Variants in LRRTM4 observed in about 807,000 individuals in gnomAD.
LRRTM4 encodes leucine-rich repeat transmembrane neuronal protein 4.
LRRTM4 carries 25 observed loss-of-function variants against 47.6 expected under a neutral mutation model. That is an observed-to-expected ratio of 0.53 (90% CI 0.38 to 0.73). The LOEUF is 0.73. Among genes scored for constraint, LRRTM4 ranks in the 30% least tolerant of loss-of-function variants. The pLI, the probability that LRRTM4 is intolerant of heterozygous loss-of-function variation, is 0.00. For missense variants in LRRTM4, 638 were observed against 713.4 expected (o/e 0.89, Z 1.20); for synonymous variants, 311 against 269.5 (o/e 1.15, Z -1.51).
chr2:76,919,795 T>C (rs971816439), intron 3 of LRRTM4, among the ~76,000 whole-genome samples: 3 of 152,162 alleles, frequency 2.0e-5, no homozygotes, highest in Non-Finnish European at 2.9e-5. Context: ...CAAATAAATA[T>C]TGAAGGTTAA....
chr2:77,071,594 C>T (rs182801710), intron 3 of LRRTM4, among the ~76,000 whole-genome samples: 12 of 152,106 alleles, frequency 7.9e-5, no homozygotes, highest in East Asian at 5.8e-4. Flanking sequence ...AAAAGAGAAA[C>T]GGAGATTTAT....
intron 3 of LRRTM4, among the ~76,000 whole-genome samples, chr2:77,210,631 G>A (rs573620735): frequency 6.6e-6 from 1 of 152,004 alleles, no homozygotes; most frequent in East Asian, 1.9e-4. Flanking sequence ...CTGATTCGTG[G>A]TGGAAATAAA....
intron 3 of LRRTM4, among the ~76,000 whole-genome samples, chr2:76,826,386 A>C (rs964998061): frequency 7.9e-5 from 12 of 151,520 alleles, no homozygotes; most frequent in African/African-American, 2.7e-4. Flanking sequence ...AGGTTATATA[A>C]ACCCTTATAT....
In LRRTM4 at chr2:77,068,006, G is replaced by A. The variant is rs540362286; in HGVS notation, c.1552-319090C>T. ...TTGCATACTATCAATTTATACGGAG[G>A]ATAAAGGAATATATTAAAAGTTATA... On this transcript the variant is annotated intron_variant, in intron 3 of 3. Coordinates refer to ENST00000409884, the MANE Select transcript of LRRTM4 (RefSeq NM_001134745.3). Among the ~76,000 whole-genome samples the A allele has an allele frequency of 9.9e-5, 15 of 151,990 alleles. No individual in the cohort carries two copies. In the East Asian group the frequency reaches 2.9e-3, roughly 29 times the overall value.
intron 3 of LRRTM4, among the ~76,000 whole-genome samples, chr2:76,798,578 G>C (rs1388336723): frequency 1.5e-4 from 23 of 150,806 alleles, no homozygotes; most frequent in African/African-American, 5.4e-4. Context: ...AAAGCTAGCA[G>C]AAGGCAAGAA....
rs1673589376 is a variant in LRRTM4, at chr2:77,393,620, TCA to T, written c.1551+124696_1551+124697del. On this transcript the variant is annotated intron_variant, in intron 3 of 3. Transcript: ENST00000409884. ...TATTGGCAAGATTTTAGCAGACAAG[TCA>T]CTGTGATCAGGTTTGTTTTTTGGAA... Among the ~76,000 whole-genome samples the T allele has an allele frequency of 2.0e-5, 3 of 152,022 alleles. No individual in the cohort carries two copies. In the South Asian group the frequency reaches 6.2e-4, roughly 31 times the overall value.
At chr2:77,124,945 G>A (rs1231579973) in intron 3 of LRRTM4, among the ~76,000 whole-genome samples, 1 of 152,114 alleles carries the variant, frequency 6.6e-6, no homozygotes, top group Non-Finnish European at 1.5e-5. Flanking sequence ...AGCTTTCACA[G>A]CATTCTGAGC....
chr2:77,036,191 G>A (rs1377565028), intron 3 of LRRTM4, among the ~76,000 whole-genome samples: 1 of 151,550 alleles, frequency 6.6e-6, no homozygotes, highest in Non-Finnish European at 1.5e-5. Context: ...GGACAAAACT[G>A]AGAAAAAATA....
chr2:76,797,530 A>G (rs1410661633), intron 3 of LRRTM4, among the ~76,000 whole-genome samples: 1 of 152,090 alleles, frequency 6.6e-6, no homozygotes, highest in Non-Finnish European at 1.5e-5. Flanking sequence ...TGTAAAGACC[A>G]TCGAGACTAG....
intron 3 of LRRTM4, among the ~76,000 whole-genome samples, chr2:77,099,137 T>C (rs981310869): frequency 1.3e-5 from 2 of 151,944 alleles, no homozygotes; most frequent in African/African-American, 2.4e-5. Context: ...CTCAAGGAGA[T>C]TGATACAAGA....
intron 3 of LRRTM4, among the ~76,000 whole-genome samples, chr2:76,998,405 T>C (rs999939325): frequency 2.6e-5 from 4 of 152,264 alleles, no homozygotes; most frequent in Non-Finnish European, 5.9e-5. Context: ...CTGGGGTTAA[T>C]AATGATGTGT....
chr2:76,925,939 G>A (rs1190863535), intron 3 of LRRTM4, among the ~76,000 whole-genome samples: 2 of 152,188 alleles, frequency 1.3e-5, no homozygotes, highest in Middle Eastern at 3.4e-3. Flanking sequence ...TGTCATAGTT[G>A]CTCTCCCCTT....
intron 3 of LRRTM4, among the ~76,000 whole-genome samples, chr2:77,399,853 T>C (rs1441097072): frequency 6.6e-6 from 1 of 151,864 alleles, no homozygotes; most frequent in African/African-American, 2.4e-5. Context: ...TTGGGAAATC[T>C]TTTTGCTCCC....
chr2:77,146,347 G>C (rs1672261224), intron 3 of LRRTM4, among the ~76,000 whole-genome samples: 1 of 152,004 alleles, frequency 6.6e-6, no homozygotes, highest in Admixed American at 6.6e-5. Context: ...TTCAACTCCT[G>C]CTCTCAAATT....
Position 77,122,080 on chromosome 2 carries a change from T to C in LRRTM4, c.1552-373164A>G, listed in dbSNP as rs911438252. On this transcript the variant is annotated intron_variant, in intron 3 of 3. Coordinates refer to ENST00000409884, the MANE Select transcript of LRRTM4 (RefSeq NM_001134745.3). Reference sequence around the variant, plus strand: ...ATTATTCTACCCAGTATGTATTACTTTATGAATGATTAAATATTAGAAAAC... The same window carrying C: ...ATTATTCTACCCAGTATGTATTACTCTATGAATGATTAAATATTAGAAAAC... Among the ~76,000 whole-genome samples, 8 of 151,976 alleles carry C rather than the reference T, an allele frequency of 5.3e-5. No individual in the cohort carries two copies. The South Asian group carries it at 8.3e-4, about 16-fold the overall frequency.
At chr2:77,304,374 A>T (rs1256495944) in intron 3 of LRRTM4, among the ~76,000 whole-genome samples, 1 of 152,182 alleles carries the variant, frequency 6.6e-6, no homozygotes, top group Non-Finnish European at 1.5e-5. Flanking sequence ...ATAGTTTGCA[A>T]ATATTTTATC....
At chr2:77,236,096 A>C (rs1208186595) in intron 3 of LRRTM4, among the ~76,000 whole-genome samples, 1 of 152,118 alleles carries the variant, frequency 6.6e-6, no homozygotes, top group East Asian at 1.9e-4. Flanking sequence ...TTGAATCTGT[A>C]GATTGCTTTG....
In LRRTM4 at chr2:77,403,462, A is replaced by G. The variant is rs146638320; in HGVS notation, c.1551+114856T>C. On this transcript the variant is annotated intron_variant, in intron 3 of 3. Coordinates refer to ENST00000409884, the MANE Select transcript of LRRTM4 (RefSeq NM_001134745.3). Reference sequence around the variant, plus strand: ...TAATAGTTGAATAAAGAGGGAATGAATGAAAGATAAATGAGAAGTAAAGAA... The same window carrying G: ...TAATAGTTGAATAAAGAGGGAATGAGTGAAAGATAAATGAGAAGTAAAGAA... Among the ~76,000 whole-genome samples the G allele has an allele frequency of 4.3e-3, 648 of 152,078 alleles. 3 individuals carry two copies. Among genetic ancestry groups the G allele is most frequent in the African/African-American group, 0.015 (624 of 41,542 alleles).
intron 3 of LRRTM4, among the ~76,000 whole-genome samples, chr2:77,038,487 G>A (rs1357205299): frequency 6.6e-6 from 1 of 151,428 alleles, no homozygotes. Context: ...CAGAGTCTAT[G>A]AAGTAATATT....
Sources: gnomAD v4.1 joint callset for allele counts (sites outside exome capture counted in the v4.1 genomes callset) on GRCh38, gnomAD v4.1.1 for gene constraint, MANE v1.5 for transcripts, NCBI Gene and HGNC (gene_info 2026-07-23, HGNC 2026-07-21) for gene names.